PTPRD: variants seen among roughly 807,000 people sequenced by gnomAD.
PTPRD encodes receptor-type tyrosine-protein phosphatase delta.
PTPRD carries 34 observed loss-of-function variants against 214.5 expected under a neutral mutation model. The observed-to-expected ratio is 0.16, with a 90% CI of 0.12 to 0.21. PTPRD has a LOEUF of 0.21. PTPRD is among the 10% of genes least tolerant of loss of function. The probability of loss-of-function intolerance (pLI) is 1.00; values close to 1 mark genes in which losing one functional copy is unlikely to be tolerated. For missense variants in PTPRD, 2,545 were observed against 2,398.7 expected (o/e 1.06, Z -1.27); for synonymous variants, 1,128 against 845.7 (o/e 1.33, Z -5.79).
chr9:9,866,724 G>C (rs187862125), intron 5 of PTPRD, among the ~76,000 whole-genome samples: 2 of 152,114 alleles, frequency 1.3e-5, no homozygotes, highest in East Asian at 3.9e-4. Flanking sequence ...CGCCCTTGTG[G>C]AAAACATCTT....
intron 8 of PTPRD, among the ~76,000 whole-genome samples, chr9:9,524,954 T>A (rs531086999): frequency 6.6e-6 from 1 of 152,272 alleles, no homozygotes; most frequent in East Asian, 1.9e-4. Context: ...GCCTTCCAGG[T>A]TCACGCCATT....
At chr9:9,661,626 A>G (rs2096623724) in intron 7 of PTPRD, among the ~76,000 whole-genome samples, 1 of 151,908 alleles carries the variant, frequency 6.6e-6, no homozygotes, top group African/African-American at 2.4e-5. Flanking sequence ...CATAAAAACA[A>G]ACAAACAAAA....
At chr9:9,866,478 T>C (rs975741834) in intron 5 of PTPRD, among the ~76,000 whole-genome samples, 1 of 149,060 alleles carries the variant, frequency 6.7e-6, no homozygotes, top group East Asian at 1.9e-4. Flanking sequence ...ATAAAGCTCG[T>C]ATTCTTAGAA....
intron 11 of PTPRD, among the ~76,000 whole-genome samples, chr9:8,928,107 T>G (rs1588179037): frequency 2.0e-5 from 3 of 152,162 alleles, no homozygotes; most frequent in African/African-American, 7.2e-5. Context: ...TATTTGCCCT[T>G]TGTCAGATGG....
chr9:8,965,662 CA>C (rs1466550645), intron 11 of PTPRD, among the ~76,000 whole-genome samples: 1 of 152,060 alleles, frequency 6.6e-6, no homozygotes, highest in Admixed American at 6.6e-5. Flanking sequence ...TCATCTATGA[CA>C]AACCCACAGT....
At chr9:8,676,994 G>A (rs2154369136) in intron 12 of PTPRD, among the ~76,000 whole-genome samples, 1 of 152,304 alleles carries the variant, frequency 6.6e-6, no homozygotes, top group Non-Finnish European at 1.5e-5. Flanking sequence ...TGAATATTAA[G>A]GAAATTAATC....
chr9:8,722,123 C>CTG (rs34720946), intron 12 of PTPRD, among the ~76,000 whole-genome samples: 23,890 of 147,244 alleles, frequency 0.16, 2,230 homozygotes, highest in East Asian at 0.23. Context: ...AAGTATTACT[C>CTG]TGTGTGTGTG....
At chr9:9,844,042 A>G (rs1346557489) in intron 5 of PTPRD, among the ~76,000 whole-genome samples, 1 of 151,976 alleles carries the variant, frequency 6.6e-6, no homozygotes, top group African/African-American at 2.4e-5. Context: ...CATAGGCTTC[A>G]TTTCAACCAT....
At chr9:8,493,991 CACACACAG>C (rs573717068) in intron 26 of PTPRD, among the ~76,000 whole-genome samples, 1,657 of 149,536 alleles carry the variant, frequency 0.011, 14 homozygotes, top group East Asian at 0.038. Context: ...CACACACAGA[CACACACAG>C]ACACACAGAC....
At chr9:10,457,009 C>A (rs1353007835) in intron 2 of PTPRD, among the ~76,000 whole-genome samples, 2 of 151,810 alleles carry the variant, frequency 1.3e-5, no homozygotes, top group African/African-American at 4.8e-5. Flanking sequence ...GCCAAAATAG[C>A]TCCAATTTCT....
At chr9:10,574,426 G>C (rs183468315) in intron 2 of PTPRD, among the ~76,000 whole-genome samples, 36 of 152,132 alleles carry the variant, frequency 2.4e-4, no homozygotes, top group African/African-American at 8.2e-4. Context: ...CTCTGAGGTA[G>C]TCGGTACAGG....
rs200141738 is a variant in PTPRD at position 8,652,254 on chromosome 9, A to AT, written c.65-15411dup. On this transcript the variant is annotated intron_variant, in intron 12 of 45. Transcript: ENST00000381196. ...TAAACTGAAACACTTCTGGTGGTGGATTTTTCTTTTTCCTTTTTTCTCTTT... is the reference window on the plus strand; with the variant it reads ...TAAACTGAAACACTTCTGGTGGTGGATTTTTTCTTTTTCCTTTTTTCTCTTT... Among the ~76,000 whole-genome samples the AT allele has an allele frequency of 2.3e-3, 345 of 152,242 alleles. 8 individuals carry two copies. Among genetic ancestry groups the AT allele is most frequent in the African/African-American group, 7.9e-3 (329 of 41,546 alleles).
At chr9:9,779,255 G>T (rs1565197033) in intron 5 of PTPRD, among the ~76,000 whole-genome samples, 1 of 151,848 alleles carries the variant, frequency 6.6e-6, no homozygotes, top group Admixed American at 6.6e-5. Context: ...AAAAATCCTA[G>T]AAGAAAACCT....
chr9:10,083,094 C>T (rs1487810912), intron 3 of PTPRD, among the ~76,000 whole-genome samples: 2 of 151,946 alleles, frequency 1.3e-5, no homozygotes, highest in South Asian at 2.1e-4. Context: ...CTTCTCTCTG[C>T]TTCTTTATTT....
intron 9 of PTPRD, among the ~76,000 whole-genome samples, chr9:9,239,351 C>T (rs1223581304): frequency 6.6e-6 from 1 of 152,072 alleles, no homozygotes; most frequent in Non-Finnish European, 1.5e-5. Context: ...TCTGAATTGT[C>T]AGCATCAAAT....
intron 3 of PTPRD, among the ~76,000 whole-genome samples, chr9:10,220,353 G>A (rs1304373826): frequency 6.6e-6 from 1 of 151,804 alleles, no homozygotes; most frequent in South Asian, 2.1e-4. Flanking sequence ...GTGAAATTAT[G>A]CCCATTTCAT....
chr9:8,876,009 C>T (rs148737364), intron 11 of PTPRD, among the ~76,000 whole-genome samples: 7 of 152,328 alleles, frequency 4.6e-5, no homozygotes, highest in Admixed American at 1.3e-4. Flanking sequence ...AACATAGTGT[C>T]TTTATTAAGT....
chr9:9,394,512 G>A lies in PTPRD; in HGVS notation c.-203+2937C>T, dbSNP rs558345379. On this transcript the variant is annotated intron_variant, in intron 9 of 45. Coordinates refer to ENST00000381196, the MANE Select transcript of PTPRD (RefSeq NM_002839.4). The stretch of plus-strand genomic sequence containing the variant: ...CTCAGTTCTAACACTTACCAGTTAC[G>A]TAAATTTTAGCAATTTAATATTTTT... Among the ~76,000 whole-genome samples the A allele has an allele frequency of 7.2e-5, 11 of 152,182 alleles. No individual in the cohort carries two copies. The East Asian group carries it at 7.7e-4, about 11-fold the overall frequency.
chr9:9,410,984 A>G (rs2075219202), intron 8 of PTPRD, among the ~76,000 whole-genome samples: 1 of 152,128 alleles, frequency 6.6e-6, no homozygotes, highest in African/African-American at 2.4e-5. Flanking sequence ...CATCAAATGA[A>G]AAGTAGGCCA....
Sources: gnomAD v4.1 joint callset for allele counts (sites outside exome capture counted in the v4.1 genomes callset) on GRCh38, gnomAD v4.1.1 for gene constraint, MANE v1.5 for transcripts, NCBI Gene and HGNC (gene_info 2026-07-23, HGNC 2026-07-21) for gene names.